COBL: variants seen among roughly 807,000 people sequenced by gnomAD.
The protein encoded by COBL is cordon-bleu WH2 repeat protein.
Under a neutral mutation model 98.8 loss-of-function variants are expected in COBL, and 51 were observed. The observed-to-expected ratio is 0.52, with a 90% confidence interval of 0.41 to 0.65. The LOEUF (loss-of-function observed/expected upper bound fraction) is 0.65. Among genes scored for constraint, COBL ranks in the 30% least tolerant of loss-of-function variants. The probability of loss-of-function intolerance (pLI) is 0.00; values close to 1 mark genes in which losing one functional copy is unlikely to be tolerated. For synonymous variants in COBL, 634 were observed against 651.7 expected, an observed-to-expected ratio of 0.97 and a Z score of 0.41; for missense variants, 1,617 against 1,617.5, an observed-to-expected ratio of 1.00 and a Z score of 0.01.
chr7:51,167,727 G>C (rs1562988060), intron 5 of COBL, among the ~76,000 whole-genome samples: 2 of 152,074 alleles, frequency 1.3e-5, no homozygotes, highest in African/African-American at 4.8e-5. Context: ...CATAAAAACA[G>C]ACACACACAC....
At chr7:51,158,908 G>T (rs1786481055) in intron 5 of COBL, among the ~76,000 whole-genome samples, 1 of 152,110 alleles carries the variant, frequency 6.6e-6, no homozygotes, top group Admixed American at 6.5e-5. Flanking sequence ...ACAGCGCCGG[G>T]GACAGGGAAG....
chr7:51,033,967 C>T (rs952692959), intron 8 of COBL: 8 of 152,418 alleles, frequency 5.2e-5, no homozygotes, highest in Non-Finnish European at 1.0e-4. Context: ...GAGCCCAGCT[C>T]CAGGCGCTTG....
intron 7 of COBL, among the ~76,000 whole-genome samples, chr7:51,058,991 CAT>C (rs763038562): frequency 1.6e-4 from 24 of 152,346 alleles, no homozygotes; most frequent in Admixed American, 2.6e-4. Flanking sequence ...CCAGACTGCA[CAT>C]GTTAGGGTCA....
At chr7:51,095,562 T>TCAAAACATATAATC (rs1795197838) in intron 6 of COBL, among the ~76,000 whole-genome samples, 1 of 151,482 alleles carries the variant, frequency 6.6e-6, no homozygotes, top group South Asian at 2.1e-4. Flanking sequence ...AACTCCCCAA[T>TCAAAACATATAATC]CAAAATATAT....
chr7:51,203,116 G>A lies in COBL; in HGVS notation c.246-9527C>T, dbSNP rs534097497. Among the ~76,000 whole-genome samples, 16 of 151,428 alleles carry A rather than the reference G, an allele frequency of 1.1e-4. No individual in the cohort carries two copies. In the South Asian group the frequency reaches 3.1e-3, roughly 30 times the overall value. On this transcript the variant is annotated intron_variant, in intron 2 of 12. Coordinates refer to ENST00000265136, the MANE Select transcript of COBL (RefSeq NM_015198.5). ...CCTAACTTTACACTTCAGGGAACAA[G>A]AATAAAAACAAACTGAGCCCAAAGT...
At chr7:51,145,868 T>C (rs1784980490) in intron 5 of COBL, among the ~76,000 whole-genome samples, 1 of 152,234 alleles carries the variant, frequency 6.6e-6, no homozygotes. Context: ...GGTTTTGAAC[T>C]GCACTTCCCC....
intron 2 of COBL, among the ~76,000 whole-genome samples, chr7:51,201,189 G>A (rs544381625): frequency 9.4e-5 from 14 of 149,372 alleles, no homozygotes; most frequent in Middle Eastern, 3.5e-3. Flanking sequence ...GCAGTAAGCC[G>A]AGATGGTGCC....
At chr7:51,169,216 A>C (rs917874845) in intron 5 of COBL, among the ~76,000 whole-genome samples, 1 of 152,208 alleles carries the variant, frequency 6.6e-6, no homozygotes. Flanking sequence ...ACAGACTGCC[A>C]ATCAGAATAT....
intron 5 of COBL, among the ~76,000 whole-genome samples, chr7:51,182,076 G>A (rs1789022894): frequency 6.6e-6 from 1 of 152,136 alleles, no homozygotes; most frequent in Non-Finnish European, 1.5e-5. Flanking sequence ...CAAGGAAGAA[G>A]ACACAAAGAG....
intron 5 of COBL, among the ~76,000 whole-genome samples, chr7:51,160,486 TA>T (rs1257735384): frequency 6.6e-6 from 1 of 152,224 alleles, no homozygotes; most frequent in Non-Finnish European, 1.5e-5. Flanking sequence ...GCTTTTGGGA[TA>T]AAGTGACTTT....
intron 5 of COBL, among the ~76,000 whole-genome samples, chr7:51,146,649 T>A (rs1333943587): frequency 5.5e-5 from 2 of 36,692 alleles, no homozygotes; most frequent in Non-Finnish European, 1.0e-4. Flanking sequence ...AGTGCAGGAA[T>A]GTGGGGGCGG....
At chr7:51,258,902 G>A (rs1797437680) in intron 1 of COBL, among the ~76,000 whole-genome samples, 1 of 152,072 alleles carries the variant, frequency 6.6e-6, no homozygotes, top group African/African-American at 2.4e-5. Flanking sequence ...ATAGCCTAAT[G>A]TCCTAATCAG....
intron 1 of COBL, among the ~76,000 whole-genome samples, chr7:51,257,016 C>T (rs1023654684): frequency 6.6e-6 from 1 of 152,114 alleles, no homozygotes; most frequent in Non-Finnish European, 1.5e-5. Context: ...AGAAACTAAA[C>T]CAGTCCAGTG....
intron 1 of COBL, among the ~76,000 whole-genome samples, chr7:51,257,837 C>T (rs2129144253): frequency 6.6e-6 from 1 of 152,064 alleles, no homozygotes; most frequent in Non-Finnish European, 1.5e-5. Context: ...TTAACAAAAG[C>T]ACTAAAAGTT....
At chr7:51,306,399 T>C (rs899556787) in intron 1 of COBL, among the ~76,000 whole-genome samples, 1 of 152,122 alleles carries the variant, frequency 6.6e-6, no homozygotes, top group Admixed American at 6.5e-5. Flanking sequence ...GAAAACACAA[T>C]TAGCGAATTT....
chr7:51,130,751 G>A (rs1015145988), intron 6 of COBL, among the ~76,000 whole-genome samples: 1 of 152,150 alleles, frequency 6.6e-6, no homozygotes, highest in Non-Finnish European at 1.5e-5. Flanking sequence ...TTGATGAAAC[G>A]TGTCTTTGGG....
chr7:51,123,742 T>G (rs1326432917), intron 6 of COBL, among the ~76,000 whole-genome samples: 1 of 152,222 alleles, frequency 6.6e-6, no homozygotes. Context: ...AGTCAAACAT[T>G]TTCTTCATTT....
intron 1 of COBL, among the ~76,000 whole-genome samples, chr7:51,268,103 G>A (rs974014618): frequency 6.6e-6 from 1 of 152,218 alleles, no homozygotes; most frequent in South Asian, 2.1e-4. Flanking sequence ...CGCTGTGTCC[G>A]CTGCGGGTGT....
intron 7 of COBL, among the ~76,000 whole-genome samples, chr7:51,049,927 T>C (rs1057009652): frequency 3.9e-5 from 6 of 152,338 alleles, no homozygotes; most frequent in Admixed American, 1.3e-4. Context: ...TCCCCTCTTT[T>C]TCTCTAATTG....
Sources: allele counts gnomAD v4.1 joint callset (sites outside exome capture counted in the v4.1 genomes callset), GRCh38; gene constraint gnomAD v4.1.1; transcripts MANE v1.5; gene names NCBI Gene and HGNC (gene_info 2026-07-23, HGNC 2026-07-21).